The following PCDHGA2 variants were observed in gnomAD, a reference collection of about 807,000 sequenced individuals.
The protein encoded by PCDHGA2 is protocadherin gamma-A2.
Under a neutral mutation model 59.2 loss-of-function variants are expected in PCDHGA2, and 40 were observed. The observed-to-expected ratio is 0.68, with a 90% CI of 0.52 to 0.88. PCDHGA2 has a LOEUF of 0.88. Ranked by LOEUF, PCDHGA2 falls within the 40% of genes least tolerant of loss-of-function variation. The probability of loss-of-function intolerance (pLI) is 0.00; values close to 1 mark genes in which losing one functional copy is unlikely to be tolerated. For synonymous variants in PCDHGA2, 560 were observed against 526.0 expected, an observed-to-expected ratio of 1.06 and a Z score of -0.89; for missense variants, 1,226 against 1,204.0, an observed-to-expected ratio of 1.02 and a Z score of -0.27.
Position 141,413,878 on chromosome 5 carries a change from A to G in PCDHGA2, c.2424+72483A>G, listed in dbSNP as rs752517949. ...ATCTGGCACTGTCCTTGTCAGTGTGACTGTCTTCGATGCAAATGACAACGC... is the reference window on the plus strand; with the variant it reads ...ATCTGGCACTGTCCTTGTCAGTGTGGCTGTCTTCGATGCAAATGACAACGC... On this transcript the variant is annotated intron_variant, in intron 1 of 3. Coordinates refer to ENST00000394576, the MANE Select transcript of PCDHGA2 (RefSeq NM_018915.4). 2.5e-6 allele frequency: 4 copies of G among 1,613,272 alleles called. No individual in the cohort carries two copies. The South Asian group carries it at 3.3e-5, about 13-fold the overall frequency.
At position 141,359,638 on chromosome 5, in the gene PCDHGA2, AAAG is replaced by A. The variant is rs1370085055; in HGVS notation, c.2424+18247_2424+18249del. ...GTATGTTGTATGCTTACATTTGTGT[AAAG>A]AAGGAGACAGAATATTTATAAAAAT... On this transcript the variant is annotated intron_variant, in intron 1 of 3. Coordinates refer to ENST00000394576, the MANE Select transcript of PCDHGA2 (RefSeq NM_018915.4). Among the ~76,000 whole-genome samples, 20 of 152,050 alleles carry A rather than the reference AAAG, an allele frequency of 1.3e-4. No individual in the cohort carries two copies. The East Asian group carries it at 1.5e-3, about 12-fold the overall frequency.
chr5:141,408,108 A>T, intron 1 of PCDHGA2: 1 of 1,441,874 alleles, frequency 6.9e-7, no homozygotes, highest in Non-Finnish European at 9.1e-7. Flanking sequence ...GAGACCCGGG[A>T]CTCCTCCTGT....
At chr5:141,356,207 CAG>C (rs1419624764) in intron 1 of PCDHGA2, 2 of 1,605,982 alleles carry the variant, frequency 1.2e-6, no homozygotes, top group African/African-American at 2.7e-5. Flanking sequence ...GTACTGGTGA[CAG>C]TTCTGGATGA....
chr5:141,374,941 A>G, intron 1 of PCDHGA2: 1 of 1,614,040 alleles, frequency 6.2e-7, no homozygotes, highest in Non-Finnish European at 8.5e-7. Context: ...AGATTACAGA[A>G]AAGATCTCAC....
At chr5:141,455,837 AT>A (rs2098833014) in intron 1 of PCDHGA2, among the ~76,000 whole-genome samples, 2 of 151,422 alleles carry the variant, frequency 1.3e-5, no homozygotes, top group African/African-American at 4.8e-5. Context: ...TTTCCTGTCT[AT>A]CTGCATAAAA....
intron 1 of PCDHGA2, chr5:141,441,955 A>G: frequency 3.1e-6 from 1 of 320,028 alleles, no homozygotes; most frequent in Non-Finnish European, 6.0e-6. Context: ...GCAGGCCAGC[A>G]AGCCCAGGCT....
intron 1 of PCDHGA2, among the ~76,000 whole-genome samples, chr5:141,439,024 T>C (rs1278127532): frequency 2.0e-5 from 3 of 151,510 alleles, no homozygotes; most frequent in African/African-American, 7.3e-5. Flanking sequence ...ATTTTGAAAA[T>C]AGATGCCTCA....
chr5:141,351,703 C>T (rs761376222), intron 1 of PCDHGA2: 12 of 1,613,832 alleles, frequency 7.4e-6, no homozygotes, highest in Middle Eastern at 1.6e-4. Flanking sequence ...GACCCAACGG[C>T]AGAGTCTCCT....
At chr5:141,409,573 C>T (rs562811168) in intron 1 of PCDHGA2, 4 of 1,613,934 alleles carry the variant, frequency 2.5e-6, no homozygotes, top group African/African-American at 2.7e-5. Flanking sequence ...AGACGTCCTA[C>T]GTGGTCCACG....
chr5:141,375,826 C>T (rs1771941269), intron 1 of PCDHGA2: 2 of 1,614,166 alleles, frequency 1.2e-6, no homozygotes, highest in South Asian at 1.1e-5. Context: ...CGCCCCGCTC[C>T]GCAGAGCCCG....
intron 1 of PCDHGA2, among the ~76,000 whole-genome samples, chr5:141,461,886 C>T (rs944110458): frequency 3.3e-5 from 5 of 151,972 alleles, no homozygotes; most frequent in South Asian, 2.1e-4. Context: ...TGCAATGGCA[C>T]GATCTCGGCT....
intron 1 of PCDHGA2, chr5:141,385,141 G>T (rs1183220869): frequency 1.9e-6 from 3 of 1,614,202 alleles, no homozygotes; most frequent in Non-Finnish European, 2.5e-6. Context: ...CGGGGTGCAG[G>T]CTTTCCTGCA....
chr5:141,362,425 G>A, intron 1 of PCDHGA2: 1 of 1,614,008 alleles, frequency 6.2e-7, no homozygotes, highest in South Asian at 1.1e-5. Flanking sequence ...AGCCAAGACA[G>A]AGTTCAATTT....
intron 1 of PCDHGA2, chr5:141,375,273 C>A (rs770340172): frequency 6.2e-7 from 1 of 1,613,854 alleles, no homozygotes; most frequent in South Asian, 1.1e-5. Flanking sequence ...TTGGAAAAAT[C>A]AGTTGGCAAT....
At chr5:141,403,284 A>C in intron 1 of PCDHGA2, 1 of 1,613,912 alleles carries the variant, frequency 6.2e-7, no homozygotes. Flanking sequence ...GTCCTGGTTG[A>C]AGACAGAGTG....
intron 1 of PCDHGA2, chr5:141,433,309 T>C: frequency 1.1e-6 from 1 of 901,134 alleles, no homozygotes; most frequent in Admixed American, 2.7e-5. Context: ...TTATCCCACC[T>C]TTGCCTCCGG....
intron 1 of PCDHGA2, chr5:141,422,569 G>A (rs1219842498): frequency 6.2e-7 from 1 of 1,613,984 alleles, no homozygotes; most frequent in Admixed American, 1.7e-5. Context: ...AGATGACAAC[G>A]ATAACCCTCC....
At chr5:141,345,289 A>G in intron 1 of PCDHGA2, 2 of 1,613,988 alleles carry the variant, frequency 1.2e-6, no homozygotes, top group Non-Finnish European at 1.7e-6. Flanking sequence ...TCAGAATATA[A>G]CATTAGTCTG....
intron 1 of PCDHGA2, among the ~76,000 whole-genome samples, chr5:141,461,536 T>C (rs1424913303): frequency 1.3e-5 from 2 of 152,240 alleles, no homozygotes; most frequent in Non-Finnish European, 2.9e-5. Context: ...TTCTGGATAC[T>C]AGTCCTTTGT....
Sources: allele counts gnomAD v4.1 joint callset (sites outside exome capture counted in the v4.1 genomes callset), GRCh38; gene constraint gnomAD v4.1.1; transcripts MANE v1.5; gene names NCBI Gene and HGNC (gene_info 2026-07-23, HGNC 2026-07-21).